PPARGC1A: variants seen among roughly 807,000 people sequenced by gnomAD.
PPARGC1A encodes PPARG coactivator 1 alpha.
In PPARGC1A, 25 loss-of-function variants were observed where a neutral mutation model predicts 88.7. The observed-to-expected ratio is 0.28, with a 90% CI of 0.21 to 0.39. The LOEUF is 0.39. PPARGC1A is among the 10% of genes least tolerant of loss of function. The pLI is 1.00. For missense variants in PPARGC1A, 880 were observed against 968.7 expected (o/e 0.91, Z 1.22); for synonymous variants, 363 against 355.6 (o/e 1.02, Z -0.24).
chr4:24,452,884 G>A, the PPARGC1A span, among the ~76,000 whole-genome samples: 1 of 152,172 alleles, frequency 6.6e-6, no homozygotes, highest in East Asian at 1.9e-4. Flanking sequence ...AATGACGGGG[G>A]TGTAAGGAGG....
At chr4:24,204,810 G>GT in the PPARGC1A span, among the ~76,000 whole-genome samples, 2,072 of 152,024 alleles carry the variant, frequency 0.014, 18 homozygotes, top group East Asian at 0.057. Flanking sequence ...GACCATTCAC[G>GT]TTTTTTTGTT....
the PPARGC1A span, among the ~76,000 whole-genome samples, chr4:23,969,346 T>G: frequency 6.6e-6 from 1 of 152,200 alleles, no homozygotes; most frequent in Non-Finnish European, 1.5e-5. Flanking sequence ...ATCTATGTGT[T>G]TTATTGCAAA....
the PPARGC1A span, among the ~76,000 whole-genome samples, chr4:24,357,603 G>A: frequency 3.2e-4 from 49 of 152,232 alleles, no homozygotes; most frequent in East Asian, 2.3e-3. Flanking sequence ...ATGCCTGTTC[G>A]ATATGGTTTT....
At chr4:23,952,591 GAGTTA>G in the PPARGC1A span, among the ~76,000 whole-genome samples, 5 of 152,110 alleles carry the variant, frequency 3.3e-5, no homozygotes, top group Non-Finnish European at 5.9e-5. Context: ...GGCCCTAGGA[GAGTTA>G]AGTCCAGAGA....
At chr4:24,427,282 ATTT>A in the PPARGC1A span, among the ~76,000 whole-genome samples, 6 of 136,728 alleles carry the variant, frequency 4.4e-5, no homozygotes, top group Admixed American at 7.4e-5. Context: ...TTCTTTATTT[ATTT>A]TTTTTTTTTT....
chr4:24,078,756 T>C, the PPARGC1A span, among the ~76,000 whole-genome samples: 1 of 152,150 alleles, frequency 6.6e-6, no homozygotes. Context: ...CATTTGTTTA[T>C]TCTTCTTTGA....
chr4:23,815,248 C>T (rs1298900196), intron 7 of PPARGC1A, among the ~76,000 whole-genome samples: 1 of 152,028 alleles, frequency 6.6e-6, no homozygotes, highest in African/African-American at 2.4e-5. Context: ...AGCAACTCTA[C>T]AACTTAACGG....
Position 23,814,609 on chromosome 4 carries a change from AG to A in PPARGC1A, c.878-5del, listed in dbSNP as rs773402482. 1.4e-6 allele frequency: 2 copies of A among 1,443,374 alleles called. No homozygotes were observed. The highest frequency in any genetic ancestry group is 1.7e-5 in the African/African-American group (1 of 57,354). The allele number at this position is 1,443,374 out of a possible 1,614,324, so 89.4% of individuals were successfully genotyped here. ...GGAGTGGTGGGTGGAGTTAGGCCTA[AG>A]GCAAAAATTAAAAAAAAAAAAAAAA... On this transcript the variant is annotated splice_region_variant and splice_polypyrimidine_tract_variant and intron_variant, in intron 7 of 12. Transcript: ENST00000264867.
chr4:24,327,287 G>T, the PPARGC1A span, among the ~76,000 whole-genome samples: 24 of 152,126 alleles, frequency 1.6e-4, no homozygotes, highest in African/African-American at 5.8e-4. Flanking sequence ...ACTATCTTCT[G>T]TCTAGTCATA....
chr4:24,240,796 G>T, the PPARGC1A span, among the ~76,000 whole-genome samples: 2 of 150,504 alleles, frequency 1.3e-5, no homozygotes, highest in South Asian at 2.2e-4. Flanking sequence ...ATCTGGCAGG[G>T]GTAAGTAGCT....
the PPARGC1A span, among the ~76,000 whole-genome samples, chr4:24,224,803 G>A: frequency 6.6e-6 from 1 of 152,114 alleles, no homozygotes; most frequent in Non-Finnish European, 1.5e-5. Flanking sequence ...AGAGTATTTG[G>A]GGGTAAGAGA....
chr4:24,263,216 G>A, the PPARGC1A span, among the ~76,000 whole-genome samples: 10 of 152,200 alleles, frequency 6.6e-5, no homozygotes, highest in African/African-American at 1.4e-4. Flanking sequence ...AAGCCCAAAT[G>A]TGGGGAGACA....
the PPARGC1A span, among the ~76,000 whole-genome samples, chr4:23,979,249 T>G: frequency 6.6e-6 from 1 of 152,176 alleles, no homozygotes; most frequent in South Asian, 2.1e-4. Flanking sequence ...TAATAAAAAT[T>G]TATTTTTAAC....
the PPARGC1A span, among the ~76,000 whole-genome samples, chr4:24,448,989 C>T: frequency 1.3e-5 from 2 of 152,278 alleles, no homozygotes; most frequent in South Asian, 4.1e-4. Flanking sequence ...CCCTTAACTG[C>T]TCTACAAATA....
At chr4:24,419,352 A>AGTGT in the PPARGC1A span, among the ~76,000 whole-genome samples, 198 of 138,928 alleles carry the variant, frequency 1.4e-3, 1 homozygote, top group African/African-American at 4.4e-3. Flanking sequence ...CAAATCTTCA[A>AGTGT]GTGTGTGTGT....
At chr4:24,422,756 C>A in the PPARGC1A span, among the ~76,000 whole-genome samples, 6 of 151,980 alleles carry the variant, frequency 3.9e-5, no homozygotes, top group Non-Finnish European at 7.4e-5. Context: ...ATAGGTAACA[C>A]AGTAACTTCC....
the PPARGC1A span, among the ~76,000 whole-genome samples, chr4:24,028,653 G>A: frequency 6.6e-6 from 1 of 152,128 alleles, no homozygotes. Flanking sequence ...CTCACTACCT[G>A]TAGCCATAGA....
chr4:24,087,792 G>A, the PPARGC1A span, among the ~76,000 whole-genome samples: 2 of 152,158 alleles, frequency 1.3e-5, no homozygotes, highest in Non-Finnish European at 2.9e-5. Context: ...ATGGTTATAT[G>A]CTTAAATGGA....
the PPARGC1A span, among the ~76,000 whole-genome samples, chr4:23,966,328 C>A: frequency 6.6e-6 from 1 of 152,154 alleles, no homozygotes; most frequent in Non-Finnish European, 1.5e-5. Context: ...GTATGGTAGC[C>A]ACTAGCCACC....
Sources: allele counts gnomAD v4.1 joint callset (sites outside exome capture counted in the v4.1 genomes callset), GRCh38; gene constraint gnomAD v4.1.1; transcripts MANE v1.5; gene names NCBI Gene and HGNC (gene_info 2026-07-23, HGNC 2026-07-21).